Variants in P2RX6 observed in about 807,000 individuals in gnomAD.
P2RX6 encodes P2X purinoceptor 6.
Under a neutral mutation model 54.2 loss-of-function variants are expected in P2RX6, and 62 were observed. The observed-to-expected ratio is 1.14, with a 90% CI of 0.93 to 1.41. P2RX6 has a LOEUF of 1.41. Ranked by LOEUF, P2RX6 falls within the 40% of genes most tolerant of loss-of-function variation. P2RX6 has a pLI of 0.00. For missense variants in P2RX6, 541 were observed against 566.3 expected, an observed-to-expected ratio of 0.96 and a Z score of 0.45; for synonymous variants, 211 against 231.9, an observed-to-expected ratio of 0.91 and a Z score of 0.82.
chr22:21,023,375 G>A lies in P2RX6; in HGVS notation c.739G>A (p.Val247Met), dbSNP rs1270719664. Residue 247 changes from valine to methionine, a missense_variant, in exon 7 of 12, where the codon GTG (valine) becomes ATG (methionine). Physicochemically the swap from Val to Met is conservative, Grantham distance 21. This residue lies in a region of P2RX6 where 526 missense variants were observed against 531.5 expected (regional missense o/e 0.99). Transcript: ENST00000413302. ...YCPVFRIGDL[V>M]AKAGGTFEDL... ...TCCCGTGTTCCGCATTGGGGACCTC[G>A]TGGCCAAGGCTGGAGGGACCTTCGA... The A allele has an allele frequency of 6.2e-6, 10 of 1,613,886 alleles. No homozygotes were observed. Among genetic ancestry groups the A allele is most frequent in the East Asian group, 2.2e-5 (1 of 44,896 alleles).
chr22:21,022,265 T>G (rs1034143128), intron 3 of P2RX6, among the ~76,000 whole-genome samples: 14 of 152,100 alleles, frequency 9.2e-5, no homozygotes, highest in Non-Finnish European at 2.9e-5. Flanking sequence ...TCCCAGCTAC[T>G]GGGAATACTG....
At chr22:21,019,449 G>T (rs113772384) in intron 3 of P2RX6, among the ~76,000 whole-genome samples, 1 of 152,178 alleles carries the variant, frequency 6.6e-6, no homozygotes, top group Non-Finnish European at 1.5e-5. Flanking sequence ...GAGTAGCTGG[G>T]ATTACAGGTG....
chr22:21,014,257 A>G (rs1157043757), upstream of P2RX6: 1 of 152,638 alleles, frequency 6.6e-6, no homozygotes, highest in Non-Finnish European at 1.5e-5. Flanking sequence ...TGAGGCGGAG[A>G]CCGCTTGGCG....
In P2RX6 at chr22:21,023,348, T is replaced by G; in HGVS notation, c.712T>G (p.Cys238Gly). The G allele has an allele frequency of 6.2e-7, 1 of 1,613,980 alleles. No homozygotes were observed. Among genetic ancestry groups the G allele is most frequent in the Non-Finnish European group, 8.5e-7 (1 of 1,179,872 alleles). ...CRYEPQFSPY[C>G]PVFRIGDLVA... ...CTATGAACCACAATTCAGCCCCTAC[T>G]GTCCCGTGTTCCGCATTGGGGACCT... The change falls in exon 7 of 12, where the codon TGT becomes GGT. Residue 238 changes from cysteine (C) to glycine (G), a missense_variant. By Grantham distance (159) the Cys-to-Gly change is radical. Transcript: ENST00000413302.
chr22:21,023,510 G>C lies in P2RX6; in HGVS notation c.782G>C (p.Gly261Ala). The change falls in exon 8 of 12, where the codon GGT becomes GCT. Residue 261 changes from glycine (G) to alanine (A), a missense_variant and splice_region_variant. Coordinates refer to ENST00000413302, the MANE Select transcript of P2RX6 (RefSeq NM_005446.5). ...GGAAAAGCTATGTGCTATGTGCAGG[G>C]TGGCTCTGTAGGCATCAGAGTTCAC... is the stretch of plus-strand genomic sequence containing the variant. ...GGTFEDLALL[G>A]GSVGIRVHWD... is the part of the protein sequence containing the mutation. 2 of 1,613,814 alleles carry C rather than the reference G, an allele frequency of 1.2e-6. No homozygotes were observed.
intron 1 of P2RX6, among the ~76,000 whole-genome samples, 187 bp from the exon 2 acceptor site, chr22:21,015,755 A>G (rs1926245146): frequency 6.6e-6 from 1 of 152,032 alleles, no homozygotes; most frequent in Non-Finnish European, 1.5e-5. Context: ...TCTCTGATGC[A>G]TGGCTGGAGC....
Position 21,026,983 on chromosome 22 carries a change from A to C in P2RX6, c.*366A>C. ...GTATGCTTACCAGCTGTCAGCACAGACCCTCCTGCTGCCTGGGTCCTGGCC... is the reference window on the plus strand; with the variant it reads ...GTATGCTTACCAGCTGTCAGCACAGCCCCTCCTGCTGCCTGGGTCCTGGCC... On this transcript the variant is annotated 3_prime_UTR_variant, in exon 12 of 12. Coordinates refer to ENST00000413302, the MANE Select transcript of P2RX6 (RefSeq NM_005446.5). This position sits in a 1 kb window ranked among gnomAD's most constrained non-coding sequence, Gnocchi z 4.0. 4 of 252,040 alleles carry C rather than the reference A, an allele frequency of 1.6e-5. No individual in the cohort carries two copies. Among genetic ancestry groups the C allele is most frequent in the South Asian group, 7.8e-5 (1 of 12,844 alleles). The allele number at this position is 252,040 out of a possible 1,614,324, so 15.6% of individuals were successfully genotyped here. A position where few individuals can be genotyped will look rare whatever the true frequency, so the allele number is the denominator to read the frequency against.
upstream of P2RX6, chr22:21,012,576 T>C (rs1217787315): frequency 4.8e-6 from 3 of 619,070 alleles, no homozygotes; most frequent in Non-Finnish European, 9.1e-6. Flanking sequence ...CCTCTGTACC[T>C]GCCCCATAGA....
At chr22:21,011,821 T>G (rs412233), upstream of P2RX6, among the ~76,000 whole-genome samples, 1 of 152,086 alleles carries the variant, frequency 6.6e-6, no homozygotes, top group African/African-American at 2.4e-5. Context: ...CGGTTAAAAC[T>G]GCCTACCTCC....
chr22:21,015,663 A>G (rs546960011), intron 1 of P2RX6, among the ~76,000 whole-genome samples: 15 of 151,750 alleles, frequency 9.9e-5, no homozygotes, highest in African/African-American at 3.6e-4. Flanking sequence ...TCGGGTCAGG[A>G]GAGTCTGTAA....
Position 21,022,708 on chromosome 22 carries a change from C to G in P2RX6, c.420C>G (p.Val140=). The part of the protein sequence containing the change: ...HPSVPLANCW[V]DEDCPEGEGG... ...CCGTCCCACTGGCTAACTGCTGGGT[C>G]GACGAGGACTGCCCCGAAGGGGAGG... The change falls in exon 4 of 12, where the codon GTC becomes GTG. Residue 140 remains valine, a synonymous_variant. Coordinates refer to ENST00000413302, the MANE Select transcript of P2RX6 (RefSeq NM_005446.5). 6.3e-7 allele frequency: 1 copy of G among 1,576,618 alleles called. No homozygotes were observed. The highest frequency in any genetic ancestry group is 8.6e-7 in the Non-Finnish European group (1 of 1,162,684).
At chr22:21,022,775 G>A (rs1285435783) in intron 4 of P2RX6, 24 bp downstream of exon 4, 2 of 1,547,026 alleles carry the variant, frequency 1.3e-6, no homozygotes, top group South Asian at 2.5e-5. Flanking sequence ...CTGTCTTCCA[G>A]TGCCCCCAGC....
At position 21,026,075 on chromosome 22, in the gene P2RX6, TG is replaced by T; in HGVS notation, c.1050+1del. ...GGCACCGGGGCAGCTTGGCTGGGCG[TG>T]GTGAGTGCGAGCACTGTGGGCACCT... Reference protein sequence around the residue: ...TLGTGAAWLGVVTFFCDLLLL... With the variant: ...TLGTGAAWLGXVTFFCDLLLL... On this transcript the variant is annotated frameshift_variant and splice_region_variant, in exon 10 of 12. Coordinates refer to ENST00000413302, the MANE Select transcript of P2RX6 (RefSeq NM_005446.5). LOFTEE classifies it high-confidence loss of function. This position sits in a 1 kb window ranked among gnomAD's most constrained non-coding sequence, Gnocchi z 4.0. 6.2e-7 allele frequency: 1 copy of T among 1,609,272 alleles called. No homozygotes were observed. Among genetic ancestry groups the T allele is most frequent in the Non-Finnish European group, 8.5e-7 (1 of 1,178,396 alleles).
Position 21,026,808 on chromosome 22 carries a change from A to G in P2RX6, c.*191A>G. 8.3e-7 allele frequency: 1 copy of G among 1,205,056 alleles called. No homozygotes were observed. The highest frequency in any genetic ancestry group is 1.5e-5 in the African/African-American group (1 of 65,306). The allele number at this position is 1,205,056 out of a possible 1,614,324, so 74.6% of individuals were successfully genotyped here. On this transcript the variant is annotated 3_prime_UTR_variant, in exon 12 of 12. Coordinates refer to ENST00000413302, the MANE Select transcript of P2RX6 (RefSeq NM_005446.5). This position sits in a 1 kb window ranked among gnomAD's most constrained non-coding sequence, Gnocchi z 4.0. Reference sequence around the variant, plus strand: ...AGCCATAGAAGTCGGCTGTGTTTTGAGACGGCGACAGAACCTGACCCGTGG... The same window carrying G: ...AGCCATAGAAGTCGGCTGTGTTTTGGGACGGCGACAGAACCTGACCCGTGG...
At chr22:21,023,062 C>A (rs776870866) in intron 5 of P2RX6, 27 bp downstream of exon 5, 1 of 1,612,180 alleles carries the variant, frequency 6.2e-7, no homozygotes. Flanking sequence ...TCCCCTACCC[C>A]AACTGGCGCA....
At chr22:21,012,621 T>C (rs567472671), upstream of P2RX6, 496 of 596,616 alleles carry the variant, frequency 8.3e-4, 1 homozygote, top group African/African-American at 7.8e-3. Flanking sequence ...ACTTGACATA[T>C]GGATTGGAGC....
rs1928355363 is a variant in P2RX6 at position 21,025,897 on chromosome 22, AG to A, written c.984+1del. 6.3e-7 allele frequency: 1 copy of A among 1,577,246 alleles called. No homozygotes were observed. Among genetic ancestry groups the A allele is most frequent in the African/African-American group, 1.3e-5 (1 of 74,078 alleles). ...GIRFDILVTG[Q>X]AGKFGLIPTA... The stretch of plus-strand genomic sequence containing the variant: ...CGCTTCGACATCCTCGTCACCGGGC[AG>A]GTAGGCACAGGTAGGGGTCAGGCCG... On this transcript the variant is annotated frameshift_variant and splice_region_variant, in exon 9 of 12. Coordinates refer to ENST00000413302, the MANE Select transcript of P2RX6 (RefSeq NM_005446.5). LOFTEE classifies it high-confidence loss of function.
upstream of P2RX6, chr22:21,012,505 C>G: frequency 3.5e-6 from 2 of 567,406 alleles, no homozygotes; most frequent in Non-Finnish European, 6.7e-6. Flanking sequence ...GCCTGCCCAC[C>G]TGCCCCAGAC....
In P2RX6 at chr22:21,026,749, C is replaced by G; in HGVS notation, c.*132C>G. The G allele has an allele frequency of 6.9e-7, 1 of 1,443,710 alleles. No homozygotes were observed. 89.4% of individuals were successfully genotyped at this position (1,443,710 alleles called of 1,614,324 possible). A position where few individuals can be genotyped will look rare whatever the true frequency, so the allele number is the denominator to read the frequency against. On this transcript the variant is annotated 3_prime_UTR_variant, in exon 12 of 12. Coordinates refer to ENST00000413302, the MANE Select transcript of P2RX6 (RefSeq NM_005446.5). This position sits in a 1 kb window ranked among gnomAD's most constrained non-coding sequence, Gnocchi z 4.0. ...TGAACCCCAGCAGACAGTCCCTCCC[C>G]TGACTCCCACCTTGGTAGGGTGCTG...
Sources: allele counts gnomAD v4.1 joint callset (sites outside exome capture counted in the v4.1 genomes callset), GRCh38; gene constraint gnomAD v4.1.1; regional missense constraint gnomAD v4.1.1; non-coding constraint Gnocchi (gnomAD v3.1); transcripts MANE v1.5; gene names NCBI Gene and HGNC (gene_info 2026-07-23, HGNC 2026-07-21).